Variants in MDGA2 observed in about 807,000 individuals in gnomAD.
MDGA2 encodes the protein MAM domain-containing glycosylphosphatidylinositol anchor protein 2.
In MDGA2, 40 loss-of-function variants were observed where a neutral mutation model predicts 117.8. The ratio of observed to expected loss-of-function variants is 0.34; its 90% confidence interval spans 0.26 to 0.44. The LOEUF is 0.44. Among genes scored for constraint, MDGA2 ranks in the 20% least tolerant of loss-of-function variants. The pLI is 1.00. For missense variants in MDGA2, 1,123 were observed against 1,250.6 expected, an observed-to-expected ratio of 0.90 and a Z score of 1.54; for synonymous variants, 452 against 439.0, an observed-to-expected ratio of 1.03 and a Z score of -0.37.
chr14:47,334,164 G>A, intron 1 of MDGA2, among the ~76,000 whole-genome samples: 1 of 151,674 alleles, frequency 6.6e-6, no homozygotes, highest in East Asian at 1.9e-4. Context: ...TTTTTGTGGT[G>A]CTCTACAGCA....
chr14:47,467,473 G>A (rs1231522569), intron 1 of MDGA2, among the ~76,000 whole-genome samples: 4 of 152,022 alleles, frequency 2.6e-5, no homozygotes, highest in African/African-American at 7.2e-5. Context: ...ACCCTCCTCC[G>A]TTCATTAATA....
chr14:46,999,113 T>A (rs1323337024), intron 8 of MDGA2, among the ~76,000 whole-genome samples: 1 of 152,064 alleles, frequency 6.6e-6, no homozygotes, highest in African/African-American at 2.4e-5. Flanking sequence ...TAGTGTTGAC[T>A]TTTTTAGTCA....
chr14:47,558,334 G>A (rs1895727015), intron 1 of MDGA2, among the ~76,000 whole-genome samples: 1 of 152,166 alleles, frequency 6.6e-6, no homozygotes, highest in African/African-American at 2.4e-5. Context: ...TTTAGGTCTA[G>A]GCTAATATAA....
chr14:47,480,504 A>T (rs1246549718), intron 1 of MDGA2, among the ~76,000 whole-genome samples: 2 of 152,072 alleles, frequency 1.3e-5, no homozygotes, highest in Non-Finnish European at 2.9e-5. Context: ...ACAAGAATTA[A>T]GATTTCAAGC....
chr14:47,459,477 CCCTTCCTT>C (rs552689652), intron 1 of MDGA2, among the ~76,000 whole-genome samples: 1 of 149,830 alleles, frequency 6.7e-6, no homozygotes, highest in Non-Finnish European at 1.5e-5. Context: ...CTTTTCCTTT[CCCTTCCTT>C]CCTTCCTTCC....
chr14:47,084,914 T>C (rs1309503590), intron 6 of MDGA2, among the ~76,000 whole-genome samples: 2 of 147,554 alleles, frequency 1.4e-5, no homozygotes, highest in Non-Finnish European at 3.0e-5. Context: ...GTCTATGGTA[T>C]TTTTGTTACA....
intron 8 of MDGA2, among the ~76,000 whole-genome samples, chr14:46,998,197 A>C (rs1280508996): frequency 6.6e-6 from 1 of 152,092 alleles, no homozygotes; most frequent in Admixed American, 6.6e-5. Context: ...AAATTCCAGA[A>C]CTTTGGGAGG....
intron 9 of MDGA2, among the ~76,000 whole-genome samples, chr14:46,951,322 G>A (rs1885363642): frequency 6.6e-6 from 1 of 151,910 alleles, no homozygotes; most frequent in Non-Finnish European, 1.5e-5. Context: ...GAAATGCTGT[G>A]GCAGAAAGAC....
intron 5 of MDGA2, among the ~76,000 whole-genome samples, chr14:47,108,655 C>G (rs533667887): frequency 1.3e-5 from 2 of 152,226 alleles, no homozygotes; most frequent in African/African-American, 4.8e-5. Flanking sequence ...ACCCTTATCT[C>G]CCTTCGCTGA....
Position 46,855,218 on chromosome 14 carries a change from A to C in MDGA2, c.2753-64T>G. 1 of 1,444,304 alleles carries C rather than the reference A, an allele frequency of 6.9e-7. No individual in the cohort carries two copies. The highest frequency in any genetic ancestry group is 9.5e-7 in the Non-Finnish European group (1 of 1,056,796). 89.5% of individuals were successfully genotyped at this position (1,444,304 alleles called of 1,614,324 possible). ...TTCACCTCAAATTTGTTTTTCCTTG[A>C]CCAAACACTTGTAAACTTTTTAAAC... is the stretch of plus-strand genomic sequence containing the variant. On this transcript the variant is annotated intron_variant, in intron 14 of 16. Coordinates refer to ENST00000399232, the MANE Select transcript of MDGA2 (RefSeq NM_001113498.3). This position sits in a 1 kb window ranked among gnomAD's most constrained non-coding sequence, Gnocchi z 4.1.
rs1049765648 is a variant in MDGA2, at chr14:47,364,751, G to C, written c.281-63201C>G. On this transcript the variant is annotated intron_variant, in intron 1 of 16. Transcript: ENST00000399232. ...CAAAAGCAAATACAGATAGTTAAAA[G>C]TGAGTGATGCTAATCTGCATTGTAC... Among the ~76,000 whole-genome samples, 4 of 152,318 alleles carry C rather than the reference G, an allele frequency of 2.6e-5. No homozygotes were observed. In the East Asian group the frequency reaches 7.7e-4, roughly 29 times the overall value.
At chr14:47,543,099 T>C (rs1460624624) in intron 1 of MDGA2, among the ~76,000 whole-genome samples, 1 of 152,132 alleles carries the variant, frequency 6.6e-6, no homozygotes. Flanking sequence ...TAGTCCCAGC[T>C]ACTTGGGAGC....
At chr14:47,034,889 T>C in intron 8 of MDGA2, 122 bp downstream of exon 8, 1 of 827,572 alleles carries the variant, frequency 1.2e-6, no homozygotes, top group Non-Finnish European at 1.9e-6. Context: ...CAATCCAATG[T>C]AGAAATGTAG....
intron 1 of MDGA2, among the ~76,000 whole-genome samples, chr14:47,393,657 T>C (rs995478898): frequency 1.3e-5 from 2 of 152,116 alleles, no homozygotes; most frequent in Non-Finnish European, 2.9e-5. Context: ...TTAGAAGCCC[T>C]TCCTCCTTCC....
intron 1 of MDGA2, among the ~76,000 whole-genome samples, chr14:47,616,580 C>A (rs1594945462): frequency 1.3e-5 from 2 of 152,106 alleles, no homozygotes; most frequent in East Asian, 3.9e-4. Context: ...ACTGGGTCTG[C>A]TTTAAGCACA....
At chr14:46,902,479 A>G (rs953633535) in intron 10 of MDGA2, among the ~76,000 whole-genome samples, 1 of 152,142 alleles carries the variant, frequency 6.6e-6, no homozygotes, top group African/African-American at 2.4e-5. Context: ...ATTTGAATAC[A>G]TAGAAATTAC....
chr14:47,255,332 C>G (rs1341747001), intron 2 of MDGA2, among the ~76,000 whole-genome samples: 1 of 152,096 alleles, frequency 6.6e-6, no homozygotes, highest in Non-Finnish European at 1.5e-5. Flanking sequence ...CAGGGAGTCA[C>G]GGGAGATGAA....
At chr14:47,052,922 C>T (rs886761091) in intron 7 of MDGA2, among the ~76,000 whole-genome samples, 3 of 151,800 alleles carry the variant, frequency 2.0e-5, no homozygotes, top group Non-Finnish European at 2.9e-5. Context: ...CTCATTCTGT[C>T]GGTCTCTGTC....
At chr14:47,500,424 T>C (rs1027039939) in intron 1 of MDGA2, among the ~76,000 whole-genome samples, 2 of 152,250 alleles carry the variant, frequency 1.3e-5, no homozygotes, top group Non-Finnish European at 1.5e-5. Context: ...CTGATTTAGA[T>C]AGCTGAGCCA....
Sources: gnomAD v4.1 joint callset for allele counts (sites outside exome capture counted in the v4.1 genomes callset) on GRCh38, gnomAD v4.1.1 for gene constraint, Gnocchi (gnomAD v3.1) non-coding constraint, MANE v1.5 for transcripts, NCBI Gene and HGNC (gene_info 2026-07-23, HGNC 2026-07-21) for gene names.